The following WDFY4 variants were observed in gnomAD, a reference collection of about 807,000 sequenced individuals.
WDFY4 encodes WDFY family member 4.
In WDFY4, 169 loss-of-function variants were observed where a neutral mutation model predicts 351.9. The ratio of observed to expected loss-of-function variants is 0.48; its 90% confidence interval spans 0.42 to 0.55. The LOEUF is 0.55. WDFY4 is among the 20% of genes least tolerant of loss of function. The pLI is 0.00. For synonymous variants in WDFY4, 1,622 were observed against 1,574.6 expected, an observed-to-expected ratio of 1.03 and a Z score of -0.71; for missense variants, 3,803 against 3,935.6, an observed-to-expected ratio of 0.97 and a Z score of 0.90.
intron 49 of WDFY4, among the ~76,000 whole-genome samples, 184 bp downstream of exon 49, chr10:48,943,633 C>A (rs1354642313): frequency 6.6e-6 from 1 of 152,002 alleles, no homozygotes. Flanking sequence ...TACTTCATCG[C>A]CCAGGCTGGA....
intron 13 of WDFY4, among the ~76,000 whole-genome samples, chr10:48,767,786 G>A (rs2065719255): frequency 6.6e-6 from 1 of 152,216 alleles, no homozygotes; most frequent in African/African-American, 2.4e-5. Context: ...GGCAAGGTCA[G>A]TAATAGTCCC....
At chr10:48,832,487 G>T in intron 38 of WDFY4, 86 bp from the exon 39 acceptor site, 1 of 1,418,342 alleles carries the variant, frequency 7.1e-7, no homozygotes, top group Non-Finnish European at 9.3e-7. Flanking sequence ...TCATGCCCCT[G>T]GCTGGCCCTT....
At position 48,888,574 on chromosome 10, in the gene WDFY4, T is replaced by C. The variant is rs1021366006; in HGVS notation, c.7168-2005T>C. ...AAACAAACTCTCCCATGGCTTTCTGTTGCAACCACAATAAAACCCAAGGGC... is the reference window on the plus strand; with the variant it reads ...AAACAAACTCTCCCATGGCTTTCTGCTGCAACCACAATAAAACCCAAGGGC... On this transcript the variant is annotated intron_variant, in intron 43 of 61. Coordinates refer to ENST00000325239, the MANE Select transcript of WDFY4 (RefSeq NM_001394531.1). Among the ~76,000 whole-genome samples the C allele has an allele frequency of 2.6e-5, 4 of 152,098 alleles. No homozygotes were observed. In the South Asian group the frequency reaches 8.3e-4, roughly 32 times the overall value.
At chr10:48,818,127 G>T (rs1270986830) in intron 32 of WDFY4, among the ~76,000 whole-genome samples, 1 of 152,146 alleles carries the variant, frequency 6.6e-6, no homozygotes, top group East Asian at 1.9e-4. Flanking sequence ...AAGAAGGAAG[G>T]GCAGAAATTC....
chr10:48,739,421 C>T (rs1715642994), intron 11 of WDFY4, among the ~76,000 whole-genome samples: 1 of 152,196 alleles, frequency 6.6e-6, no homozygotes, highest in African/African-American at 2.4e-5. Context: ...AGACTGAAAA[C>T]CCTATGTGAT....
At position 48,867,185 on chromosome 10, in the gene WDFY4, A is replaced by ATAAAATAAAG. The variant is rs1415405465; in HGVS notation, c.6664-71_6664-70insGTAAAATAAA. 1.5e-5 allele frequency: 7 copies of ATAAAATAAAG among 475,326 alleles called. No homozygotes were observed. The African/African-American group carries it at 1.5e-4, about 10-fold the overall frequency. The allele number at this position is 475,326 out of a possible 1,614,324, so 29.4% of individuals were successfully genotyped here. A position where few individuals can be genotyped will look rare whatever the true frequency, so the allele number is the denominator to read the frequency against. ...ACTGTGTCTCAAAAAATAAAATAAA[A>ATAAAATAAAG]TAAAATAAAATAAAATAAAATAAAA... On this transcript the variant is annotated intron_variant, in intron 39 of 61. Transcript: ENST00000325239.
chr10:48,833,732 T>C (rs2068278990), intron 39 of WDFY4, among the ~76,000 whole-genome samples: 1 of 152,354 alleles, frequency 6.6e-6, no homozygotes, highest in South Asian at 2.1e-4. Context: ...TGGTTTTTGC[T>C]AGACATGGCT....
intron 47 of WDFY4, among the ~76,000 whole-genome samples, chr10:48,924,207 C>T (rs1037408093): frequency 6.6e-6 from 1 of 152,198 alleles, no homozygotes; most frequent in Non-Finnish European, 1.5e-5. Context: ...CCTTTCTGCG[C>T]TTCTCCCTGG....
At chr10:48,817,193 A>G in intron 31 of WDFY4, 52 bp from the exon 32 acceptor site, 1 of 1,536,212 alleles carries the variant, frequency 6.5e-7, no homozygotes, top group Non-Finnish European at 8.8e-7. Flanking sequence ...CTGGTTAGGG[A>G]GGCAGCGCCC....
rs1174590364 is a variant in WDFY4 at position 48,976,814 on chromosome 10, T to G, written c.9126T>G (p.Cys3042Trp). 3.4e-6 allele frequency: 5 copies of G among 1,484,956 alleles called. No individual in the cohort carries two copies. The highest frequency in any genetic ancestry group is 3.6e-6 in the Non-Finnish European group (4 of 1,110,282). 92.0% of individuals were successfully genotyped at this position (1,484,956 alleles called of 1,614,324 possible). A position where few individuals can be genotyped will look rare whatever the true frequency, so the allele number is the denominator to read the frequency against. ...CTGCACAGGGCACCATTGTCTCCTGTGCGGGAGCACACTTGTCCCTGTGGA... is the reference window on the plus strand; with the variant it reads ...CTGCACAGGGCACCATTGTCTCCTGGGCGGGAGCACACTTGTCCCTGTGGA... ...ISDVSGTIVS[C>W]AGAHLSLWNV... The change falls in exon 59 of 62, where the codon TGT (cysteine) becomes TGG (tryptophan). Residue 3042 changes from cysteine to tryptophan, a missense_variant. By Grantham distance (215) the Cys-to-Trp change is radical. Around this residue, in one of 3 missense-constraint regions of WDFY4, gnomAD observed 3,054 missense variants for 3,148.6 expected, o/e 0.97. Transcript: ENST00000325239.
intron 13 of WDFY4, among the ~76,000 whole-genome samples, chr10:48,763,547 C>CT (rs1339579239): frequency 1.3e-5 from 2 of 152,214 alleles, no homozygotes; most frequent in Admixed American, 6.5e-5. Flanking sequence ...ACTGCGGCCT[C>CT]TTACAGGCCT....
At chr10:48,793,220 C>G (rs1198289658) in intron 23 of WDFY4, among the ~76,000 whole-genome samples, 2 of 152,096 alleles carry the variant, frequency 1.3e-5, no homozygotes, top group Non-Finnish European at 2.9e-5. Flanking sequence ...GACTTACCAT[C>G]CAAGAAGGTG....
intron 47 of WDFY4, among the ~76,000 whole-genome samples, chr10:48,929,535 G>C (rs1431932273): frequency 6.6e-6 from 1 of 152,162 alleles, no homozygotes; most frequent in Non-Finnish European, 1.5e-5. Flanking sequence ...CAAGCCCCTT[G>C]CTCCTCTTCT....
chr10:48,751,794 A>G (rs1004005129), intron 12 of WDFY4, among the ~76,000 whole-genome samples: 1 of 152,164 alleles, frequency 6.6e-6, no homozygotes, highest in Non-Finnish European at 1.5e-5. Context: ...TATCTAAGCA[A>G]GACAAGTACC....
intron 47 of WDFY4, among the ~76,000 whole-genome samples, chr10:48,939,020 C>T (rs898952988): frequency 1.3e-5 from 2 of 152,194 alleles, no homozygotes; most frequent in African/African-American, 2.4e-5. Flanking sequence ...AAGTTGCCCA[C>T]AGGCCCCAGT....
chr10:48,725,321 C>G (rs12570925), intron 5 of WDFY4, among the ~76,000 whole-genome samples: 1 of 152,178 alleles, frequency 6.6e-6, no homozygotes, highest in African/African-American at 2.4e-5. Context: ...GAAGGCAGTG[C>G]TAGTCCATGC....
At chr10:48,899,492 T>C (rs2663041) in intron 45 of WDFY4, among the ~76,000 whole-genome samples, 53,067 of 151,674 alleles carry the variant, frequency 0.35, 11,239 homozygotes, top group Non-Finnish European at 0.47. Context: ...CACCCCATCC[T>C]TCCCTCCATG....
At chr10:48,919,213 A>T (rs552561166) in intron 47 of WDFY4, among the ~76,000 whole-genome samples, 1 of 152,296 alleles carries the variant, frequency 6.6e-6, no homozygotes, top group South Asian at 2.1e-4. Context: ...TACACATATC[A>T]GGAGTTAAAG....
chr10:48,727,596 C>G lies in WDFY4; in HGVS notation c.908C>G (p.Ser303Trp). The change falls in exon 7 of 62, where the codon TCG becomes TGG. Residue 303 changes from serine (S) to tryptophan (W), a missense_variant. Transcript: ENST00000325239. ...GFVKDSYPVSSALFLEFENSE... is the reference protein window; with the variant it reads ...GFVKDSYPVSWALFLEFENSE... ...GTGAAGGACTCCTACCCCGTCTCCTCGGCTCTGTTCCTGGAGTTTGAGAAT... is the reference window on the plus strand; with the variant it reads ...GTGAAGGACTCCTACCCCGTCTCCTGGGCTCTGTTCCTGGAGTTTGAGAAT... The G allele has an allele frequency of 6.4e-7, 1 of 1,551,990 alleles. No homozygotes were observed. The highest frequency in any genetic ancestry group is 8.7e-7 in the Non-Finnish European group (1 of 1,147,054).
Sources: gnomAD v4.1 joint callset for allele counts (sites outside exome capture counted in the v4.1 genomes callset) on GRCh38, gnomAD v4.1.1 for gene constraint, gnomAD v4.1.1 regional missense constraint, MANE v1.5 for transcripts, NCBI Gene and HGNC (gene_info 2026-07-23, HGNC 2026-07-21) for gene names.